Variants in CAMKK2 observed in about 807,000 individuals in gnomAD.
CAMKK2 encodes the protein calcium/calmodulin dependent protein kinase kinase 2.
Under a neutral mutation model 67.2 loss-of-function variants are expected in CAMKK2, and 30 were observed. That is an observed-to-expected ratio of 0.45 (90% CI 0.33 to 0.61). CAMKK2 has a LOEUF of 0.61. Among genes scored for constraint, CAMKK2 ranks in the 20% least tolerant of loss-of-function variants. The probability of loss-of-function intolerance (pLI) is 0.02; values close to 1 mark genes in which losing one functional copy is unlikely to be tolerated. For missense variants in CAMKK2, 643 were observed against 802.0 expected, an observed-to-expected ratio of 0.80 and a Z score of 2.39; for synonymous variants, 322 against 326.2, an observed-to-expected ratio of 0.99 and a Z score of 0.14.
At chr12:121,284,304 T>C (rs71454686) in intron 1 of CAMKK2, among the ~76,000 whole-genome samples, 1 of 152,210 alleles carries the variant, frequency 6.6e-6, no homozygotes, top group African/African-American at 2.4e-5. Flanking sequence ...AGTTTTGTTG[T>C]TCTTGTTTAT....
In CAMKK2 at chr12:121,296,291, A is replaced by T. The variant is rs1901179450; in HGVS notation, c.-60+347T>A. Among the ~76,000 whole-genome samples the T allele has an allele frequency of 6.6e-6, 1 of 152,140 alleles. No individual in the cohort carries two copies. The highest frequency in any genetic ancestry group is 6.5e-5 in the Admixed American group (1 of 15,286). On this transcript the variant is annotated intron_variant, in intron 1 of 16. Coordinates refer to ENST00000404169, the MANE Select transcript of CAMKK2 (RefSeq NM_001270485.2). The surrounding 1 kb of genome is among the most constrained non-coding windows in gnomAD (Gnocchi z 7.1). ...CTGTCAAACGCGAGGGGCTGGGCCT[A>T]GGCCGCCTCCACGAACCCTGACGGA...
At chr12:121,263,961 C>A in intron 5 of CAMKK2, 22 bp from the exon 6 acceptor site, 1 of 1,572,752 alleles carries the variant, frequency 6.4e-7, no homozygotes, top group South Asian at 1.1e-5. Flanking sequence ...AAAAACAGAC[C>A]CAGGGTCAGG....
intron 7 of CAMKK2, 144 bp downstream of exon 7, chr12:121,260,175 G>A: frequency 3.0e-6 from 2 of 656,998 alleles, no homozygotes; most frequent in Non-Finnish European, 2.6e-6. Flanking sequence ...CAGGGGTGTG[G>A]CCTCCGGTGG....
rs73403886 is a variant in CAMKK2, at chr12:121,244,135, C to T, written c.1596+438G>A. The T allele has an allele frequency of 1.3e-3, 2,088 of 1,611,174 alleles. 31 individuals carry two copies. In the African/African-American group the frequency reaches 0.023, roughly 18 times the overall value. ...AGGGGACTTATTTTCTAGGTCTAAA[C>T]ACATCAAAGAAAGAGAAGTGGAGGC... On this transcript the variant is annotated intron_variant, in intron 16 of 16. Coordinates refer to ENST00000404169, the MANE Select transcript of CAMKK2 (RefSeq NM_001270485.2).
chr12:121,263,742 C>T (rs1216771172), intron 6 of CAMKK2, 64 bp downstream of exon 6: 15 of 1,493,244 alleles, frequency 1.0e-5, no homozygotes, highest in African/African-American at 5.5e-5. Flanking sequence ...AAACCAGTGG[C>T]GGGGTGTTTG....
intron 3 of CAMKK2, among the ~76,000 whole-genome samples, chr12:121,270,685 G>A (rs113848804): frequency 0.035 from 5,268 of 152,188 alleles, 132 homozygotes; most frequent in South Asian, 0.086. Flanking sequence ...AATTTCGTTG[G>A]AAGCTTTCTG....
At chr12:121,289,922 G>C (rs947697482) in intron 1 of CAMKK2, among the ~76,000 whole-genome samples, 1 of 151,392 alleles carries the variant, frequency 6.6e-6, no homozygotes, top group African/African-American at 2.4e-5. Context: ...GGCGGGGCGG[G>C]GAGCCAAGGG....
intron 4 of CAMKK2, 80 bp from the exon 5 acceptor site, chr12:121,268,769 G>A: frequency 1.4e-6 from 2 of 1,389,966 alleles, no homozygotes; most frequent in Non-Finnish European, 2.0e-6. Context: ...GGCGCAGTCG[G>A]GGTTCCTCTA....
Position 121,255,811 on chromosome 12 carries a change from G to T in CAMKK2, c.797-7C>A. The T allele has an allele frequency of 6.2e-7, 1 of 1,613,702 alleles. No homozygotes were observed. The highest frequency in any genetic ancestry group is 8.5e-7 in the Non-Finnish European group (1 of 1,179,760). On this transcript the variant is annotated splice_region_variant and splice_polypyrimidine_tract_variant and intron_variant, in intron 7 of 16. Transcript: ENST00000404169. ...TGGTTGACCAGTTCGAACACTGTAGGGAAGAAAAGGGTGAAACTGTTACAT... is the reference window on the plus strand; with the variant it reads ...TGGTTGACCAGTTCGAACACTGTAGTGAAGAAAAGGGTGAAACTGTTACAT...
intron 13 of CAMKK2, among the ~76,000 whole-genome samples, chr12:121,249,089 C>G (rs541230502): frequency 1.3e-5 from 2 of 152,362 alleles, no homozygotes; most frequent in East Asian, 3.9e-4. Context: ...GCACAGCAGG[C>G]AGCATTCTCC....
intron 1 of CAMKK2, among the ~76,000 whole-genome samples, chr12:121,293,815 G>A (rs1900597172): frequency 6.6e-6 from 1 of 152,142 alleles, no homozygotes; most frequent in Non-Finnish European, 1.5e-5. Context: ...ACCAGTCTGA[G>A]GAGATTTCTC....
intron 6 of CAMKK2, among the ~76,000 whole-genome samples, chr12:121,261,266 C>T (rs779158997): frequency 6.6e-6 from 1 of 152,084 alleles, no homozygotes; most frequent in South Asian, 2.1e-4. Flanking sequence ...GGTGAAAAGG[C>T]CAAATGCCAT....
At chr12:121,271,466 T>A (rs1895769739) in intron 2 of CAMKK2, among the ~76,000 whole-genome samples, 1 of 151,812 alleles carries the variant, frequency 6.6e-6, no homozygotes, top group Non-Finnish European at 1.5e-5. Flanking sequence ...TGTCAAAATG[T>A]AACCACACAC....
At chr12:121,274,878 G>A (rs1896526028) in intron 1 of CAMKK2, among the ~76,000 whole-genome samples, 1 of 145,056 alleles carries the variant, frequency 6.9e-6, no homozygotes, top group Non-Finnish European at 1.5e-5. Context: ...TGCGATCATA[G>A]CTCACTGTAC....
At position 121,274,499 on chromosome 12, in the gene CAMKK2, T is replaced by G. The variant is rs145827495; in HGVS notation, c.28A>C (p.Ser10Arg). 1.3e-4 allele frequency: 208 copies of G among 1,612,058 alleles called. No homozygotes were observed. Among genetic ancestry groups the G allele is most frequent in the Non-Finnish European group, 1.7e-4 (201 of 1,179,836 alleles). The change falls in exon 2 of 17, where the codon AGC becomes CGC. Residue 10 changes from serine to arginine, a missense_variant. Ser to Arg is a moderately radical substitution (Grantham distance 110, BLOSUM62 -1). Around this residue, in one of 3 missense-constraint regions of CAMKK2, gnomAD observed 483 missense variants for 625.8 expected, o/e 0.77. Transcript: ENST00000404169. ...TCCTGGGGGGCGGCCCGGTTGCTGC[T>G]GGGCTGGCTAGAGACACATGATGAC... Reference protein sequence around the residue: MSSCVSSQPSSNRAAPQDEL... With the variant: MSSCVSSQPRSNRAAPQDEL...
intron 6 of CAMKK2, among the ~76,000 whole-genome samples, chr12:121,261,745 G>C (rs1189927394): frequency 6.6e-6 from 1 of 152,178 alleles, no homozygotes; most frequent in Non-Finnish European, 1.5e-5. Flanking sequence ...CTTTCCACAT[G>C]CAGCTCCCTG....
intron 1 of CAMKK2, among the ~76,000 whole-genome samples, chr12:121,286,637 G>A (rs556087814): frequency 2.0e-5 from 3 of 152,096 alleles, no homozygotes; most frequent in Non-Finnish European, 2.9e-5. Flanking sequence ...TTGATCTCCC[G>A]GGCTCAAGCA....
Position 121,282,749 on chromosome 12 carries a change from T to C in CAMKK2, c.-59-8164A>G, listed in dbSNP as rs183776641. On this transcript the variant is annotated intron_variant, in intron 1 of 16. Transcript: ENST00000404169. ...ATGACAGAATATATCTCTGTTCTTTTTTTTCTTTTCTTTTCTTTTCTTTTT... is the reference window on the plus strand; with the variant it reads ...ATGACAGAATATATCTCTGTTCTTTCTTTTCTTTTCTTTTCTTTTCTTTTT... 5.3e-5 allele frequency among the ~76,000 whole-genome samples: 8 copies of C among 150,660 alleles called. No homozygotes were observed. The East Asian group carries it at 5.8e-4, about 11-fold the overall frequency.
intron 5 of CAMKK2, among the ~76,000 whole-genome samples, chr12:121,265,301 G>A (rs1054984491): frequency 3.3e-5 from 5 of 152,176 alleles, no homozygotes; most frequent in African/African-American, 2.4e-5. Flanking sequence ...TGAGTCCAAA[G>A]GAAAAGGGAG....
Sources: allele counts gnomAD v4.1 joint callset (sites outside exome capture counted in the v4.1 genomes callset), GRCh38; gene constraint gnomAD v4.1.1; regional missense constraint gnomAD v4.1.1; non-coding constraint Gnocchi (gnomAD v3.1); transcripts MANE v1.5; gene names NCBI Gene and HGNC (gene_info 2026-07-23, HGNC 2026-07-21).